Variants in SV2C observed in about 807,000 individuals in gnomAD.
The protein encoded by SV2C is synaptic vesicle glycoprotein 2C.
SV2C carries 49 observed loss-of-function variants against 79.7 expected under a neutral mutation model. The observed-to-expected ratio is 0.61, with a 90% confidence interval of 0.49 to 0.78. The LOEUF (loss-of-function observed/expected upper bound fraction) is 0.78. Ranked by LOEUF, SV2C falls within the 30% of genes least tolerant of loss-of-function variation. The pLI is 0.00. For missense variants in SV2C, 833 were observed against 912.9 expected (o/e 0.91, Z 1.13); for synonymous variants, 334 against 333.2 (o/e 1.00, Z -0.03).
At chr5:75,922,161 C>A in the SV2C span, among the ~76,000 whole-genome samples, 1 of 151,768 alleles carries the variant, frequency 6.6e-6, no homozygotes, top group Non-Finnish European at 1.5e-5. Flanking sequence ...ATTATTTTCC[C>A]TCTTTCACAT....
intron 2 of SV2C, among the ~76,000 whole-genome samples, chr5:76,175,195 C>T (rs73132241): frequency 7.4e-4 from 113 of 152,278 alleles, no homozygotes; most frequent in African/African-American, 2.4e-3. Flanking sequence ...TGTTGGCCTT[C>T]ACAGAATCAG....
chr5:75,991,657 A>G, the SV2C span, among the ~76,000 whole-genome samples: 1 of 149,658 alleles, frequency 6.7e-6, no homozygotes, highest in Non-Finnish European at 1.5e-5. Flanking sequence ...TATTTGCAAA[A>G]CCATCAGATA....
chr5:75,917,867 A>G, the SV2C span, among the ~76,000 whole-genome samples: 1 of 152,198 alleles, frequency 6.6e-6, no homozygotes, highest in African/African-American at 2.4e-5. Context: ...GGGGAGACAG[A>G]TACCTCATTC....
chr5:76,040,022 A>G, the SV2C span, among the ~76,000 whole-genome samples: 2 of 152,328 alleles, frequency 1.3e-5, no homozygotes, highest in East Asian at 3.9e-4. Context: ...AAAGGACAGC[A>G]TAACAAGATA....
intron 4 of SV2C, among the ~76,000 whole-genome samples, chr5:76,232,796 A>G (rs1157630406): frequency 7.0e-6 from 1 of 143,234 alleles, no homozygotes; most frequent in Admixed American, 6.7e-5. Context: ...CCATTGATCT[A>G]TATCTCTGTT....
chr5:76,313,731 G>A (rs894859700), intron 12 of SV2C, among the ~76,000 whole-genome samples: 30 of 152,154 alleles, frequency 2.0e-4, no homozygotes, highest in Admixed American at 1.4e-3. Context: ...TCTAGACCAG[G>A]AGTACCATTT....
intron 2 of SV2C, among the ~76,000 whole-genome samples, chr5:76,154,108 A>G (rs1742652089): frequency 6.6e-6 from 1 of 152,174 alleles, no homozygotes. Context: ...ACAATGTACA[A>G]AAAGCATCTA....
At chr5:75,984,211 T>C in the SV2C span, among the ~76,000 whole-genome samples, 275 of 152,188 alleles carry the variant, frequency 1.8e-3, no homozygotes, top group African/African-American at 6.4e-3. Flanking sequence ...GTTGTGGAGG[T>C]AGAATTAGGA....
the SV2C span, among the ~76,000 whole-genome samples, chr5:75,965,501 C>T: frequency 4.0e-4 from 61 of 150,964 alleles, no homozygotes; most frequent in South Asian, 1.5e-3. Flanking sequence ...TGAAAAGACA[C>T]TCTCTCTTAA....
At chr5:76,065,547 A>AT in the SV2C span, among the ~76,000 whole-genome samples, 2 of 152,164 alleles carry the variant, frequency 1.3e-5, no homozygotes, top group Admixed American at 1.3e-4. Context: ...GAAATACGTA[A>AT]TTTTTTATGA....
chr5:75,901,985 G>A, the SV2C span, among the ~76,000 whole-genome samples: 196 of 150,060 alleles, frequency 1.3e-3, 2 homozygotes, highest in South Asian at 0.014. Flanking sequence ...TCCAGGTGCC[G>A]TCTGTCACCC....
the SV2C span, among the ~76,000 whole-genome samples, chr5:75,963,477 T>C: frequency 2.6e-5 from 4 of 152,156 alleles, no homozygotes; most frequent in Non-Finnish European, 4.4e-5. Flanking sequence ...TTTGTCTTTG[T>C]CTTCTAAAAT....
the SV2C span, among the ~76,000 whole-genome samples, chr5:75,906,093 CAG>C: frequency 6.6e-6 from 1 of 151,698 alleles, no homozygotes; most frequent in African/African-American, 2.4e-5. Flanking sequence ...TGGTAACTAC[CAG>C]AAGCTAGGAA....
chr5:76,112,254 T>A (rs1308139969), intron 1 of SV2C, among the ~76,000 whole-genome samples: 2 of 152,060 alleles, frequency 1.3e-5, no homozygotes, highest in African/African-American at 4.8e-5. Context: ...CAGGGCATGG[T>A]GATGTGAGGC....
intron 4 of SV2C, among the ~76,000 whole-genome samples, chr5:76,262,728 T>C (rs1301911438): frequency 6.6e-6 from 1 of 152,224 alleles, no homozygotes; most frequent in Non-Finnish European, 1.5e-5. Flanking sequence ...AGTTTCCATG[T>C]AGTTGTGTGG....
the SV2C span, among the ~76,000 whole-genome samples, chr5:75,986,800 T>A: frequency 6.0e-4 from 92 of 152,120 alleles, no homozygotes; most frequent in African/African-American, 2.1e-3. Flanking sequence ...CTGTTTGTTC[T>A]GGATTGTCTT....
the SV2C span, among the ~76,000 whole-genome samples, chr5:76,030,686 G>C: frequency 6.6e-6 from 1 of 151,610 alleles, no homozygotes; most frequent in African/African-American, 2.4e-5. Flanking sequence ...TTAGAAATGT[G>C]CCTCCCCGGA....
chr5:76,312,255 T>A (rs903889192), intron 12 of SV2C, among the ~76,000 whole-genome samples: 1 of 151,170 alleles, frequency 6.6e-6, no homozygotes, highest in Non-Finnish European at 1.5e-5. Flanking sequence ...GGGGCCACTT[T>A]TTTTTTTTGG....
chr5:76,018,252 T>G, the SV2C span, among the ~76,000 whole-genome samples: 1 of 152,202 alleles, frequency 6.6e-6, no homozygotes, highest in African/African-American at 2.4e-5. Flanking sequence ...CCCTCAAATT[T>G]TATTAAAAAT....
Sources: gnomAD v4.1 joint callset for allele counts (sites outside exome capture counted in the v4.1 genomes callset) on GRCh38, gnomAD v4.1.1 for gene constraint, MANE v1.5 for transcripts, NCBI Gene and HGNC (gene_info 2026-07-23, HGNC 2026-07-21) for gene names.